Variants in PRPF18 observed in about 807,000 individuals in gnomAD.
PRPF18 encodes the protein pre-mRNA processing factor 18.
A neutral mutation model predicts 46.5 loss-of-function variants in PRPF18; 38 were observed. That is an observed-to-expected ratio of 0.82 (90% CI 0.63 to 1.07). The LOEUF is 1.07. PRPF18 is among the 50% of genes least tolerant of loss of function. PRPF18 has a pLI of 0.00. For missense variants in PRPF18, 263 were observed against 410.0 expected (o/e 0.64, Z 3.10); for synonymous variants, 152 against 146.7 (o/e 1.04, Z -0.26).
At chr10:13,605,884 T>G (rs2080176870) in intron 4 of PRPF18, 140 bp downstream of exon 4, 1 of 1,247,036 alleles carries the variant, frequency 8.0e-7, no homozygotes. Context: ...TTTTCATTAA[T>G]TTTTTGAAAA....
intron 9 of PRPF18, among the ~76,000 whole-genome samples, chr10:13,627,237 A>AT (rs939616681): frequency 5.3e-5 from 8 of 151,536 alleles, no homozygotes; most frequent in Admixed American, 1.3e-4. Context: ...ATCGTTGAAA[A>AT]TTTTTTTTTA....
the PRPF18 span, chr10:13,649,679 A>G: frequency 6.6e-6 from 1 of 152,190 alleles, no homozygotes; most frequent in Admixed American, 6.5e-5. Context: ...TGCTTCATGT[A>G]TTGGTCTTTT....
Position 13,586,971 on chromosome 10 carries a change from T to C in PRPF18, c.-116T>C. The C allele has an allele frequency of 9.3e-7, 1 of 1,071,006 alleles. No individual in the cohort carries two copies. The highest frequency in any genetic ancestry group is 1.4e-6 in the Non-Finnish European group (1 of 690,742). 66.3% of individuals were successfully genotyped at this position (1,071,006 alleles called of 1,614,324 possible). A position where few individuals can be genotyped will look rare whatever the true frequency, so the allele number is the denominator to read the frequency against. ...GCCGGAAGCGGCTCCTGTCAGTTGT[T>C]CTCAGGTGTTTGGGCTTGTTGTTCC... On this transcript the variant is annotated 5_prime_UTR_variant, in exon 1 of 10. Coordinates refer to ENST00000378572, the MANE Select transcript of PRPF18 (RefSeq NM_003675.4).
rs759208291 is a variant in PRPF18 at position 13,597,540 on chromosome 10, G to A, written c.144+5G>A. The A allele has an allele frequency of 4.3e-6, 7 of 1,609,498 alleles. No individual in the cohort carries two copies. Among genetic ancestry groups the A allele is most frequent in the Non-Finnish European group, 5.9e-6 (7 of 1,177,148 alleles). Reference sequence around the variant, plus strand: ...TTTGAAAGATGTGGCTACAAGGTATGAATGTCTGCTTTTATGTTAAATTGT... The same window carrying A: ...TTTGAAAGATGTGGCTACAAGGTATAAATGTCTGCTTTTATGTTAAATTGT... On this transcript the variant is annotated splice_donor_5th_base_variant and intron_variant, in intron 2 of 9. Transcript: ENST00000378572.
At chr10:13,649,369 G>A in the PRPF18 span, 3 of 126,878 alleles carry the variant, frequency 2.4e-5, no homozygotes, top group Non-Finnish European at 3.8e-5. Context: ...CTGGCCCATG[G>A]TGTTCTCCTG....
intron 9 of PRPF18, among the ~76,000 whole-genome samples, chr10:13,617,869 G>T (rs2080368670): frequency 6.6e-6 from 1 of 152,018 alleles, no homozygotes; most frequent in African/African-American, 2.4e-5. Context: ...TGCCCCCTAG[G>T]TGATTAGAGA....
chr10:13,633,254 A>G (rs757917427), downstream of PRPF18, among the ~76,000 whole-genome samples: 3 of 152,222 alleles, frequency 2.0e-5, no homozygotes, highest in Non-Finnish European at 2.9e-5. Flanking sequence ...AATGGAACTT[A>G]GTGATCTGCT....
intron 2 of PRPF18, among the ~76,000 whole-genome samples, chr10:13,599,937 G>T (rs1352488743): frequency 2.6e-5 from 4 of 152,200 alleles, no homozygotes; most frequent in Admixed American, 6.5e-5. Flanking sequence ...AGAATCTGGG[G>T]AGAAAGAGAG....
At chr10:13,627,596 A>T (rs1425723932) in intron 9 of PRPF18, among the ~76,000 whole-genome samples, 1 of 152,216 alleles carries the variant, frequency 6.6e-6, no homozygotes, top group South Asian at 2.1e-4. Flanking sequence ...TTACACACCT[A>T]TCTCTGCCAT....
chr10:13,650,642 G>A, the PRPF18 span, among the ~76,000 whole-genome samples: 8 of 152,122 alleles, frequency 5.3e-5, no homozygotes, highest in African/African-American at 1.9e-4. Context: ...GGGGGAGGGG[G>A]TCTACCTTCC....
chr10:13,649,269 G>A, the PRPF18 span: 15 of 152,364 alleles, frequency 9.8e-5, no homozygotes, highest in Admixed American at 9.1e-4. Context: ...AGACCATTGA[G>A]TTCAAAGCAG....
At chr10:13,603,993 G>A (rs1317566740) in intron 3 of PRPF18, among the ~76,000 whole-genome samples, 1 of 152,196 alleles carries the variant, frequency 6.6e-6, no homozygotes, top group African/African-American at 2.4e-5. Flanking sequence ...GTGGAACTGG[G>A]ATAAATGGGT....
intron 9 of PRPF18, among the ~76,000 whole-genome samples, chr10:13,627,840 A>G (rs2080531976): frequency 1.3e-5 from 2 of 152,210 alleles, no homozygotes; most frequent in African/African-American, 4.8e-5. Flanking sequence ...ACCACCTCCA[A>G]GGCAAACCAT....
intron 9 of PRPF18, among the ~76,000 whole-genome samples, chr10:13,621,984 C>G (rs761145322): frequency 6.6e-6 from 1 of 151,616 alleles, no homozygotes; most frequent in Admixed American, 6.6e-5. Flanking sequence ...GTTACCAAAA[C>G]TGGTATAACA....
At chr10:13,653,877 A>G in the PRPF18 span, 1 of 161,502 alleles carries the variant, frequency 6.2e-6, no homozygotes, top group South Asian at 2.0e-4. Context: ...CGGTTTCATT[A>G]ATTTTGTTGT....
intron 2 of PRPF18, among the ~76,000 whole-genome samples, chr10:13,599,598 A>G (rs2080077660): frequency 1.3e-5 from 2 of 152,204 alleles, no homozygotes. Context: ...ACAGGTTCAT[A>G]TGAACAAGAA....
At chr10:13,642,774 C>G in the PRPF18 span, 1 of 151,906 alleles carries the variant, frequency 6.6e-6, no homozygotes, top group African/African-American at 2.4e-5. Context: ...GGTTGCTTCC[C>G]CAAGGAGAGG....
chr10:13,610,695 C>T (rs939148552), intron 5 of PRPF18, among the ~76,000 whole-genome samples: 3 of 152,180 alleles, frequency 2.0e-5, no homozygotes, highest in African/African-American at 7.2e-5. Context: ...TCTCCTACCA[C>T]AAACAGCTTC....
chr10:13,648,421 G>A, the PRPF18 span, among the ~76,000 whole-genome samples: 1 of 152,122 alleles, frequency 6.6e-6, no homozygotes, highest in African/African-American at 2.4e-5. Flanking sequence ...GTTTTTCTTA[G>A]GGGGACAGTC....
Sources: gnomAD v4.1 joint callset for allele counts (sites outside exome capture counted in the v4.1 genomes callset) on GRCh38, gnomAD v4.1.1 for gene constraint, MANE v1.5 for transcripts, NCBI Gene and HGNC (gene_info 2026-07-23, HGNC 2026-07-21) for gene names.